UCHL3: variants seen among roughly 807,000 people sequenced by gnomAD.
UCHL3 encodes the protein ubiquitin C-terminal hydrolase L3, also known as ubiquitin carboxyl-terminal hydrolase isozyme L3.
In UCHL3, 22 loss-of-function variants were observed where a neutral mutation model predicts 35.8. The observed-to-expected ratio is 0.61, with a 90% confidence interval of 0.44 to 0.88. UCHL3 has a LOEUF of 0.88. Ranked by LOEUF, UCHL3 falls within the 40% of genes least tolerant of loss-of-function variation. UCHL3 has a pLI of 0.00. For missense variants in UCHL3, 229 were observed against 276.9 expected (o/e 0.83, Z 1.23); for synonymous variants, 90 against 92.8 (o/e 0.97, Z 0.17).
intron 5 of UCHL3, chr13:75,569,200 C>A: frequency 3.1e-6 from 1 of 321,164 alleles, no homozygotes; most frequent in Non-Finnish European, 5.6e-6. Flanking sequence ...TTAAATGGCC[C>A]CTACTTAGAG....
chr13:75,594,955 CA>C lies in UCHL3; in HGVS notation c.516del (p.Leu173Ter). On this transcript the variant is annotated frameshift_variant, in exon 7 of 9. Transcript: ENST00000377595. LOFTEE classifies it high-confidence loss of function. ...IDEKVDLHFIALVHVDGHLYE... is the reference protein window; with the variant it reads ...IDEKVDLHFIXLVHVDGHLYE... ...GAGAAAGTAGATCTTCATTTTATTG[CA>C]TTAGTTCATGTAGATGGGCATCTCT... 1 of 1,607,980 alleles carries C rather than the reference CA, an allele frequency of 6.2e-7. No homozygotes were observed. Among genetic ancestry groups the C allele is most frequent in the Non-Finnish European group, 8.5e-7 (1 of 1,178,494 alleles).
intron 6 of UCHL3, among the ~76,000 whole-genome samples, chr13:75,574,260 A>G (rs1364492568): frequency 6.6e-6 from 1 of 151,630 alleles, no homozygotes; most frequent in Admixed American, 6.6e-5. Context: ...TTCTTTCATC[A>G]CTGTTAAGTA....
chr13:75,605,511 A>AAAAAC (rs1223422654), intron 8 of UCHL3, among the ~76,000 whole-genome samples: 1 of 152,196 alleles, frequency 6.6e-6, no homozygotes, highest in Non-Finnish European at 1.5e-5. Context: ...CTCTGTCTCA[A>AAAAAC]AAAACAAACA....
At position 75,605,900 on chromosome 13, in the gene UCHL3, A is replaced by C; in HGVS notation, c.*88A>C. 7.8e-7 allele frequency: 1 copy of C among 1,285,294 alleles called. No homozygotes were observed. Among genetic ancestry groups the C allele is most frequent in the Non-Finnish European group, 1.1e-6 (1 of 899,010 alleles). The allele number at this position is 1,285,294 out of a possible 1,614,324, so 79.6% of individuals were successfully genotyped here. ...CTAACTCAAAAATTTTGATATTTTCATTAACTTGATGATTAAACTTTATGT... is the reference window on the plus strand; with the variant it reads ...CTAACTCAAAAATTTTGATATTTTCCTTAACTTGATGATTAAACTTTATGT... On this transcript the variant is annotated 3_prime_UTR_variant, in exon 9 of 9. Transcript: ENST00000377595.
chr13:75,591,971 T>C (rs942319711), intron 6 of UCHL3, among the ~76,000 whole-genome samples: 2 of 151,994 alleles, frequency 1.3e-5, no homozygotes, highest in African/African-American at 4.8e-5. Context: ...GCTCAAAAAG[T>C]TTGAGGTTTT....
chr13:75,575,592 G>C (rs1018231954), intron 6 of UCHL3, among the ~76,000 whole-genome samples: 8 of 152,062 alleles, frequency 5.3e-5, no homozygotes, highest in African/African-American at 7.2e-5. Flanking sequence ...CCCTTCTATA[G>C]ATGAGGCAAT....
intron 3 of UCHL3, among the ~76,000 whole-genome samples, chr13:75,561,943 A>T (rs937058787): frequency 2.0e-5 from 3 of 152,176 alleles, no homozygotes; most frequent in African/African-American, 7.2e-5. Context: ...TTTTAAGTGC[A>T]TTTTATAATA....
At chr13:75,593,225 A>G (rs763686924) in intron 6 of UCHL3, among the ~76,000 whole-genome samples, 2 of 152,182 alleles carry the variant, frequency 1.3e-5, no homozygotes, top group African/African-American at 2.4e-5. Context: ...ATAATTCATT[A>G]TAGCCTTTTT....
At chr13:75,594,710 C>T (rs2032598192) in intron 6 of UCHL3, among the ~76,000 whole-genome samples, 1 of 152,148 alleles carries the variant, frequency 6.6e-6, no homozygotes, top group African/African-American at 2.4e-5. Flanking sequence ...CTTTTAGTCA[C>T]TGTTTTCTTT....
At chr13:75,563,873 A>G (rs941355363) in intron 3 of UCHL3, among the ~76,000 whole-genome samples, 2 of 151,586 alleles carry the variant, frequency 1.3e-5, no homozygotes, top group Non-Finnish European at 2.9e-5. Context: ...AGGTTCATCC[A>G]TGTAGCAAAT....
intron 7 of UCHL3, among the ~76,000 whole-genome samples, chr13:75,595,694 A>AT (rs1399786618): frequency 2.2e-5 from 3 of 136,424 alleles, no homozygotes; most frequent in Non-Finnish European, 3.1e-5. Flanking sequence ...TGTTCCTGTG[A>AT]TTTTTTAAAG....
At chr13:75,581,432 C>G (rs968402237) in intron 6 of UCHL3, among the ~76,000 whole-genome samples, 3 of 150,960 alleles carry the variant, frequency 2.0e-5, no homozygotes, top group Non-Finnish European at 4.4e-5. Context: ...TCCCTGTAGC[C>G]TTGATCTCCT....
chr13:75,571,185 G>T (rs928514873), intron 6 of UCHL3, among the ~76,000 whole-genome samples: 4 of 152,150 alleles, frequency 2.6e-5, no homozygotes, highest in Non-Finnish European at 5.9e-5. Context: ...GTTAAGATAT[G>T]AAGACAGTTA....
chr13:75,566,878 T>G (rs766381328), intron 4 of UCHL3, 27 bp downstream of exon 4: 1 of 1,574,260 alleles, frequency 6.4e-7, no homozygotes, highest in Admixed American at 1.9e-5. Flanking sequence ...TACTGCATTT[T>G]TTCCCCCTTA....
At chr13:75,554,592 T>C (rs536228238) in intron 2 of UCHL3, among the ~76,000 whole-genome samples, 7 of 152,316 alleles carry the variant, frequency 4.6e-5, no homozygotes, top group Admixed American at 1.3e-4. Context: ...TATAGTAGGC[T>C]CCTAACTAGT....
chr13:75,587,553 C>T (rs1437410449), intron 6 of UCHL3, among the ~76,000 whole-genome samples: 1 of 151,998 alleles, frequency 6.6e-6, no homozygotes, highest in Non-Finnish European at 1.5e-5. Context: ...TGTAACTTAT[C>T]TTCAAATGAT....
chr13:75,553,207 A>G (rs2031174988), intron 2 of UCHL3, among the ~76,000 whole-genome samples: 1 of 152,204 alleles, frequency 6.6e-6, no homozygotes. Context: ...GTCCTCCTTG[A>G]GCTGCTGCCT....
chr13:75,602,220 G>T (rs959296691), intron 7 of UCHL3, among the ~76,000 whole-genome samples: 2 of 152,144 alleles, frequency 1.3e-5, no homozygotes, highest in Non-Finnish European at 2.9e-5. Context: ...CCATTGTTGG[G>T]TATTTGACAG....
intron 6 of UCHL3, among the ~76,000 whole-genome samples, chr13:75,572,329 T>C (rs779207609): frequency 4.6e-4 from 70 of 152,234 alleles, no homozygotes; most frequent in Non-Finnish European, 5.9e-4. Flanking sequence ...GCATTTTAGC[T>C]ATTTCATATT....
Sources: gnomAD v4.1 joint callset for allele counts (sites outside exome capture counted in the v4.1 genomes callset) on GRCh38, gnomAD v4.1.1 for gene constraint, MANE v1.5 for transcripts, NCBI Gene and HGNC (gene_info 2026-07-23, HGNC 2026-07-21) for gene names.